The following SLC25A13 variants were observed in gnomAD, a reference collection of about 807,000 sequenced individuals.
The protein encoded by SLC25A13 is solute carrier family 25 member 13.
Under a neutral mutation model 85.5 loss-of-function variants are expected in SLC25A13, and 70 were observed. That is an observed-to-expected ratio of 0.82 (90% CI 0.68 to 1.00). The LOEUF (loss-of-function observed/expected upper bound fraction) is 1.00. SLC25A13 is among the 50% of genes least tolerant of loss of function. The pLI is 0.00. For missense variants in SLC25A13, 765 were observed against 819.8 expected (o/e 0.93, Z 0.82); for synonymous variants, 259 against 288.7 (o/e 0.90, Z 1.04).
chr7:96,179,167 G>C (rs1003418730), intron 11 of SLC25A13, among the ~76,000 whole-genome samples: 7 of 152,200 alleles, frequency 4.6e-5, no homozygotes, highest in Non-Finnish European at 7.4e-5. Context: ...GAAGTAAAGA[G>C]AATTGGGGAA....
intron 4 of SLC25A13, among the ~76,000 whole-genome samples, chr7:96,209,418 T>C (rs1795605379): frequency 6.6e-6 from 1 of 151,380 alleles, no homozygotes; most frequent in Non-Finnish European, 1.5e-5. Flanking sequence ...TTTAACAAGT[T>C]ATTTAAAAGT....
At position 96,293,274 on chromosome 7, in the gene SLC25A13, T is replaced by C. The variant is rs1211423990; in HGVS notation, c.69+3624A>G. Among the ~76,000 whole-genome samples the C allele has an allele frequency of 6.2e-4, 95 of 152,204 alleles. 1 individual carries two copies. Among genetic ancestry groups the C allele is most frequent in the Non-Finnish European group, 1.3e-4 (9 of 68,022 alleles). On this transcript the variant is annotated intron_variant, in intron 2 of 17. Coordinates refer to ENST00000265631, the MANE Select transcript of SLC25A13 (RefSeq NM_014251.3). ...CCTTCCTTACACCTTATACAAAAAT[T>C]AATTCAAGATGGATTAAAGACTTAC...
chr7:96,230,336 G>C (rs879704683), intron 4 of SLC25A13, among the ~76,000 whole-genome samples: 3 of 152,172 alleles, frequency 2.0e-5, no homozygotes, highest in African/African-American at 7.2e-5. Flanking sequence ...ACAGTGACTG[G>C]GATGAGACCT....
chr7:96,194,813 A>T (rs1481325326), intron 5 of SLC25A13, among the ~76,000 whole-genome samples: 1 of 152,236 alleles, frequency 6.6e-6, no homozygotes, highest in Non-Finnish European at 1.5e-5. Context: ...TACATTTAAA[A>T]TATTTTAAAG....
intron 4 of SLC25A13, among the ~76,000 whole-genome samples, chr7:96,214,012 C>T (rs987821012): frequency 2.6e-5 from 4 of 152,062 alleles, no homozygotes; most frequent in African/African-American, 9.7e-5. Context: ...ATAATATCAC[C>T]AAATAATAGT....
chr7:96,261,276 T>C (rs1797843662), intron 3 of SLC25A13, among the ~76,000 whole-genome samples: 1 of 152,196 alleles, frequency 6.6e-6, no homozygotes, highest in Non-Finnish European at 1.5e-5. Context: ...TTGTTTACAT[T>C]ATCTGTTTGC....
chr7:96,288,476 C>T lies in SLC25A13; in HGVS notation c.69+8422G>A, dbSNP rs536153984. On this transcript the variant is annotated intron_variant, in intron 2 of 17. Transcript: ENST00000265631. Reference sequence around the variant, plus strand: ...TGAGCCGAAGCAGGGCGAGGCATCGCCTCACCCAGGAAGCGCAAGGGGTCA... The same window carrying T: ...TGAGCCGAAGCAGGGCGAGGCATCGTCTCACCCAGGAAGCGCAAGGGGTCA... Among the ~76,000 whole-genome samples the T allele has an allele frequency of 2.2e-4, 33 of 152,286 alleles. 1 individual carries two copies. The South Asian group carries it at 6.4e-3, about 30-fold the overall frequency.
intron 4 of SLC25A13, among the ~76,000 whole-genome samples, chr7:96,221,775 A>G (rs1196495296): frequency 6.6e-6 from 1 of 152,202 alleles, no homozygotes; most frequent in Non-Finnish European, 1.5e-5. Context: ...GTTTCCACAC[A>G]TTTCCTAATG....
chr7:96,123,303 T>G (rs1791591985), intron 15 of SLC25A13, among the ~76,000 whole-genome samples: 1 of 152,192 alleles, frequency 6.6e-6, no homozygotes, highest in Non-Finnish European at 1.5e-5. Context: ...GAAAAATGCT[T>G]AGAAACCCAC....
At chr7:96,170,175 T>C in intron 12 of SLC25A13, 50 bp from the exon 13 acceptor site, 8 of 1,506,026 alleles carry the variant, frequency 5.3e-6, no homozygotes, top group Non-Finnish European at 7.4e-6. Context: ...AAGAAAGTCA[T>C]TAAACACTTA....
chr7:96,316,382 C>G (rs890973725), intron 1 of SLC25A13, among the ~76,000 whole-genome samples: 1 of 152,114 alleles, frequency 6.6e-6, no homozygotes, highest in Non-Finnish European at 1.5e-5. Flanking sequence ...TGAAATGAAG[C>G]ATATACAGAG....
chr7:96,192,321 T>C (rs1794885253), intron 6 of SLC25A13, among the ~76,000 whole-genome samples: 1 of 152,176 alleles, frequency 6.6e-6, no homozygotes, highest in African/African-American at 2.4e-5. Context: ...AACTGAGTTA[T>C]TACCAAAATC....
intron 13 of SLC25A13, among the ~76,000 whole-genome samples, chr7:96,148,348 G>C (rs541447198): frequency 2.6e-5 from 4 of 152,214 alleles, no homozygotes; most frequent in Non-Finnish European, 4.4e-5. Flanking sequence ...CTCAGATGCT[G>C]CTGCTGCAAC....
At chr7:96,160,252 C>T (rs149567893) in intron 13 of SLC25A13, among the ~76,000 whole-genome samples, 6 of 152,248 alleles carry the variant, frequency 3.9e-5, no homozygotes, top group Non-Finnish European at 8.8e-5. Context: ...GAGACTTTCC[C>T]AGAGAAGGTA....
In SLC25A13 at chr7:96,131,730, G is replaced by T; in HGVS notation, c.1591+13C>A. On this transcript the variant is annotated intron_variant, in intron 15 of 17. Coordinates refer to ENST00000265631, the MANE Select transcript of SLC25A13 (RefSeq NM_014251.3). ...GGTCAGGGAAGTAAGAGAACTCCAT[G>T]GGGGACACTCACCAGCTATGGCACC... 1.2e-6 allele frequency: 2 copies of T among 1,613,714 alleles called. No individual in the cohort carries two copies. The highest frequency in any genetic ancestry group is 1.7e-6 in the Non-Finnish European group (2 of 1,179,840).
chr7:96,308,319 G>A (rs977365111), intron 1 of SLC25A13, among the ~76,000 whole-genome samples: 2 of 152,202 alleles, frequency 1.3e-5, no homozygotes, highest in Non-Finnish European at 2.9e-5. Flanking sequence ...TTCATATTCA[G>A]AGCAGCCTAG....
intron 3 of SLC25A13, among the ~76,000 whole-genome samples, chr7:96,241,286 A>G (rs1045795417): frequency 3.3e-5 from 5 of 152,200 alleles, no homozygotes; most frequent in African/African-American, 9.6e-5. Flanking sequence ...CAGCCACCAC[A>G]ATTGCACTTC....
chr7:96,185,039 G>A (rs1794577042), intron 9 of SLC25A13, 28 bp from the exon 10 acceptor site: 1 of 1,577,710 alleles, frequency 6.3e-7, no homozygotes, highest in African/African-American at 1.4e-5. Context: ...GAATCAGAGA[G>A]CAGGAAAACA....
At chr7:96,173,648 C>A (rs1380646425) in intron 11 of SLC25A13, among the ~76,000 whole-genome samples, 1 of 152,216 alleles carries the variant, frequency 6.6e-6, no homozygotes, top group African/African-American at 2.4e-5. Flanking sequence ...TTCCTGGCCT[C>A]AAGCAATCCT....
Sources: gnomAD v4.1 joint callset for allele counts (sites outside exome capture counted in the v4.1 genomes callset) on GRCh38, gnomAD v4.1.1 for gene constraint, MANE v1.5 for transcripts, NCBI Gene and HGNC (gene_info 2026-07-23, HGNC 2026-07-21) for gene names.